FER1L6: variants seen among roughly 807,000 people sequenced by gnomAD.
FER1L6 encodes the protein fer-1-like protein 6.
Under a neutral mutation model 219.2 loss-of-function variants are expected in FER1L6, and 177 were observed. The ratio of observed to expected loss-of-function variants is 0.81; its 90% CI spans 0.71 to 0.91. The LOEUF (loss-of-function observed/expected upper bound fraction) is 0.91, where lower values mean the gene tolerates loss of function less well. FER1L6 is among the 40% of genes least tolerant of loss of function. FER1L6 has a pLI of 0.00. For synonymous variants in FER1L6, 768 were observed against 824.3 expected, an observed-to-expected ratio of 0.93 and a Z score of 1.17; for missense variants, 2,153 against 2,259.9, an observed-to-expected ratio of 0.95 and a Z score of 0.96.
At chr8:123,922,493 C>T (rs1444610025) in intron 1 of FER1L6, among the ~76,000 whole-genome samples, 2 of 152,164 alleles carry the variant, frequency 1.3e-5, no homozygotes, top group South Asian at 2.1e-4. Flanking sequence ...ATTGCCTGGG[C>T]CCGGACTTTG....
chr8:123,967,193 G>A (rs1815585699), intron 5 of FER1L6, among the ~76,000 whole-genome samples: 1 of 152,046 alleles, frequency 6.6e-6, no homozygotes, highest in Admixed American at 6.6e-5. Flanking sequence ...CAATGCCCTA[G>A]TCCTCTCCCT....
intron 1 of FER1L6, among the ~76,000 whole-genome samples, chr8:123,860,131 T>G (rs1281233968): frequency 1.6e-5 from 1 of 61,798 alleles, no homozygotes; most frequent in Non-Finnish European, 2.7e-5. Context: ...CCCTCCCCCC[T>G]CCCCCCTCCC....
chr8:124,115,525 C>G (rs1263093849), intron 39 of FER1L6, among the ~76,000 whole-genome samples: 1 of 152,102 alleles, frequency 6.6e-6, no homozygotes, highest in Non-Finnish European at 1.5e-5. Flanking sequence ...TCTCTGCCTC[C>G]TTTTTCTTTG....
intron 12 of FER1L6, 35 bp downstream of exon 12, chr8:123,986,211 C>G (rs369625284): frequency 1.6e-6 from 2 of 1,256,638 alleles, no homozygotes; most frequent in Admixed American, 3.5e-5. Flanking sequence ...AGGCACATAG[C>G]ATGGATTTAG....
chr8:124,101,082 T>C lies in FER1L6; in HGVS notation c.4884-15T>C, dbSNP rs773452059. The C allele has an allele frequency of 6.2e-7, 1 of 1,612,122 alleles. No individual in the cohort carries two copies. The highest frequency in any genetic ancestry group is 1.1e-5 in the South Asian group (1 of 91,006). Reference sequence around the variant, plus strand: ...TGTACTCTGAGTGTTTAAATTATTTTGAATCTATTTTTAGGTGGTTAAAGG... The same window carrying C: ...TGTACTCTGAGTGTTTAAATTATTTCGAATCTATTTTTAGGTGGTTAAAGG... On this transcript the variant is annotated splice_polypyrimidine_tract_variant and intron_variant, in intron 37 of 40. Coordinates refer to ENST00000522917, the MANE Select transcript of FER1L6 (RefSeq NM_001039112.2).
rs1816130911 is a variant in FER1L6 at position 123,977,414 on chromosome 8, T to C, written c.871-3T>C. On this transcript the variant is annotated splice_region_variant and splice_polypyrimidine_tract_variant and intron_variant, in intron 9 of 40. Coordinates refer to ENST00000522917, the MANE Select transcript of FER1L6 (RefSeq NM_001039112.2). ...ACTCATGTCCTCCTGGCTGTGTTTT[T>C]AGGGGCGAACCACAGTGCAGAAGAA... The C allele has an allele frequency of 6.2e-7, 1 of 1,611,464 alleles. No individual in the cohort carries two copies. The highest frequency in any genetic ancestry group is 8.5e-7 in the Non-Finnish European group (1 of 1,178,496).
intron 15 of FER1L6, among the ~76,000 whole-genome samples, chr8:124,015,612 T>C (rs2130595591): frequency 7.4e-6 from 1 of 135,020 alleles, no homozygotes; most frequent in Middle Eastern, 3.8e-3. Context: ...TATATATATA[T>C]ATATTACTCC....
chr8:123,887,710 TC>T (rs1408992275), intron 1 of FER1L6, among the ~76,000 whole-genome samples: 2 of 151,718 alleles, frequency 1.3e-5, no homozygotes, highest in Non-Finnish European at 2.9e-5. Flanking sequence ...TGTGTGTGTG[TC>T]TGGGCAAGTG....
intron 31 of FER1L6, among the ~76,000 whole-genome samples, chr8:124,075,790 G>A (rs936619035): frequency 2.6e-5 from 4 of 152,086 alleles, no homozygotes; most frequent in African/African-American, 9.7e-5. Flanking sequence ...GACTGCCATC[G>A]TACATGTGGT....
chr8:123,857,711 C>G (rs1056673880), intron 1 of FER1L6, among the ~76,000 whole-genome samples: 4 of 152,088 alleles, frequency 2.6e-5, no homozygotes, highest in African/African-American at 9.7e-5. Flanking sequence ...TGGGTACCAG[C>G]AGCAGTGGTG....
At chr8:123,967,440 A>G (rs1182834844) in intron 5 of FER1L6, among the ~76,000 whole-genome samples, 2 of 152,200 alleles carry the variant, frequency 1.3e-5, no homozygotes, top group Admixed American at 1.3e-4. Flanking sequence ...ATACTAAACC[A>G]GTCAGTCTCT....
intron 1 of FER1L6, among the ~76,000 whole-genome samples, chr8:123,952,014 G>A (rs13269707): frequency 0.25 from 38,059 of 152,154 alleles, 5,330 homozygotes; most frequent in East Asian, 0.41. Flanking sequence ...GGGAGAACAC[G>A]TGGCAACTCT....
chr8:124,001,234 A>G (rs1193032306), intron 12 of FER1L6, among the ~76,000 whole-genome samples: 1 of 152,006 alleles, frequency 6.6e-6, no homozygotes, highest in African/African-American at 2.4e-5. Flanking sequence ...CCTGCCCTCC[A>G]TTCTTCTCAT....
intron 1 of FER1L6, among the ~76,000 whole-genome samples, chr8:123,910,850 A>C (rs985752334): frequency 6.6e-6 from 1 of 152,202 alleles, no homozygotes. Context: ...TAGTCAAGGC[A>C]ATGACAGGAA....
chr8:124,049,042 CCTT>C (rs200902339), intron 21 of FER1L6, among the ~76,000 whole-genome samples: 1,453 of 140,092 alleles, frequency 0.01, 31 homozygotes, highest in African/African-American at 0.033. Flanking sequence ...ACCCCCACCA[CCTT>C]TTTTTTTTTC....
intron 39 of FER1L6, among the ~76,000 whole-genome samples, chr8:124,118,500 C>G (rs979116248): frequency 1.3e-5 from 2 of 152,154 alleles, no homozygotes; most frequent in African/African-American, 2.4e-5. Context: ...AAAGGGTCTG[C>G]CACCCAAGTA....
chr8:123,899,164 T>G (rs1001151741), intron 1 of FER1L6, among the ~76,000 whole-genome samples: 1 of 152,046 alleles, frequency 6.6e-6, no homozygotes, highest in African/African-American at 2.4e-5. Flanking sequence ...CATGCCAACA[T>G]CTACTGTTTT....
chr8:123,944,033 G>T (rs1586495407), intron 1 of FER1L6, among the ~76,000 whole-genome samples: 1 of 152,036 alleles, frequency 6.6e-6, no homozygotes, highest in African/African-American at 2.4e-5. Flanking sequence ...GAAGCCTTGA[G>T]ACCTTAGGCA....
chr8:124,054,612 A>T (rs1820198755), intron 22 of FER1L6, among the ~76,000 whole-genome samples: 1 of 152,206 alleles, frequency 6.6e-6, no homozygotes, highest in Non-Finnish European at 1.5e-5. Flanking sequence ...TTGTAGCCTC[A>T]CATTTTAGCT....
Sources: allele counts gnomAD v4.1 joint callset (sites outside exome capture counted in the v4.1 genomes callset), GRCh38; gene constraint gnomAD v4.1.1; transcripts MANE v1.5; gene names NCBI Gene and HGNC (gene_info 2026-07-23, HGNC 2026-07-21).